The following CDH18 variants were observed in gnomAD, a reference collection of about 807,000 sequenced individuals.
The protein encoded by CDH18 is cadherin-18.
A neutral mutation model predicts 67.9 loss-of-function variants in CDH18; 31 were observed. The ratio of observed to expected loss-of-function variants is 0.46; its 90% CI spans 0.34 to 0.62. The LOEUF (loss-of-function observed/expected upper bound fraction) is 0.62, where lower values mean the gene tolerates loss of function less well. Among genes scored for constraint, CDH18 ranks in the 20% least tolerant of loss-of-function variants. The pLI is 0.01. For synonymous variants in CDH18, 362 were observed against 347.2 expected, an observed-to-expected ratio of 1.04 and a Z score of -0.48; for missense variants, 890 against 975.5, an observed-to-expected ratio of 0.91 and a Z score of 1.17.
intron 1 of CDH18, among the ~76,000 whole-genome samples, chr5:20,492,901 G>C (rs1753673831): frequency 6.6e-6 from 1 of 152,052 alleles, no homozygotes; most frequent in African/African-American, 2.4e-5. Context: ...ACTAAACCTG[G>C]AAAAGAATAG....
At chr5:19,500,032 GTTAAC>G (rs1205729467) in intron 11 of CDH18, among the ~76,000 whole-genome samples, 1 of 149,148 alleles carries the variant, frequency 6.7e-6, no homozygotes, top group Admixed American at 6.7e-5. Context: ...GTAAATGTCA[GTTAAC>G]TTACATAGGC....
At chr5:20,355,117 C>T (rs1741509074) in intron 1 of CDH18, among the ~76,000 whole-genome samples, 1 of 152,200 alleles carries the variant, frequency 6.6e-6, no homozygotes, top group Non-Finnish European at 1.5e-5. Flanking sequence ...CCAGACATCT[C>T]CAGCTCCTTT....
chr5:20,519,638 G>T (rs1755603921), intron 1 of CDH18, among the ~76,000 whole-genome samples: 1 of 151,688 alleles, frequency 6.6e-6, no homozygotes, highest in Admixed American at 6.6e-5. Flanking sequence ...AAATAAAATA[G>T]AAAAAGGAGT....
intron 3 of CDH18, among the ~76,000 whole-genome samples, chr5:19,754,219 G>T (rs1771229603): frequency 6.6e-6 from 1 of 152,120 alleles, no homozygotes; most frequent in Admixed American, 6.5e-5. Flanking sequence ...CAGAACTGCA[G>T]AATGGATAAG....
At chr5:20,560,839 A>G (rs1240432778) in intron 1 of CDH18, among the ~76,000 whole-genome samples, 2 of 152,084 alleles carry the variant, frequency 1.3e-5, no homozygotes, top group Non-Finnish European at 2.9e-5. Context: ...CGAGCCACAG[A>G]CTGCAAGAAA....
chr5:20,511,498 AT>A (rs1755034153), intron 1 of CDH18, among the ~76,000 whole-genome samples: 1 of 152,188 alleles, frequency 6.6e-6, no homozygotes, highest in Non-Finnish European at 1.5e-5. Flanking sequence ...ATATATTCTA[AT>A]AGAGGCATAG....
At chr5:20,094,083 G>T (rs1211488350) in intron 2 of CDH18, among the ~76,000 whole-genome samples, 1 of 152,098 alleles carries the variant, frequency 6.6e-6, no homozygotes, top group East Asian at 1.9e-4. Context: ...CATGCTCTCA[G>T]TTGAGACACT....
chr5:20,252,058 G>A (rs1254375813), intron 2 of CDH18, among the ~76,000 whole-genome samples: 1 of 152,014 alleles, frequency 6.6e-6, no homozygotes, highest in Non-Finnish European at 1.5e-5. Context: ...AAATACTTAT[G>A]CAGCTGTTTT....
intron 2 of CDH18, among the ~76,000 whole-genome samples, chr5:20,009,847 A>T (rs1737246696): frequency 6.6e-6 from 1 of 152,086 alleles, no homozygotes; most frequent in Non-Finnish European, 1.5e-5. Context: ...TCATGCCCCT[A>T]ATACTCCATT....
chr5:20,273,639 C>CT (rs939989373), intron 1 of CDH18, among the ~76,000 whole-genome samples: 2 of 151,852 alleles, frequency 1.3e-5, no homozygotes, highest in Admixed American at 6.6e-5. Flanking sequence ...AAAATTCAAA[C>CT]TAAAAAAAAT....
chr5:20,071,256 C>A (rs920625566), intron 2 of CDH18, among the ~76,000 whole-genome samples: 2 of 151,822 alleles, frequency 1.3e-5, no homozygotes, highest in African/African-American at 4.8e-5. Context: ...TATTGAAGAT[C>A]CTGTCAAGAC....
intron 2 of CDH18, among the ~76,000 whole-genome samples, chr5:20,088,268 C>T (rs907472938): frequency 6.6e-6 from 1 of 152,124 alleles, no homozygotes. Flanking sequence ...CTCTAACATG[C>T]GTATGCACTT....
At chr5:19,505,623 T>C (rs1017438765) in intron 10 of CDH18, among the ~76,000 whole-genome samples, 2 of 152,134 alleles carry the variant, frequency 1.3e-5, no homozygotes, top group East Asian at 3.9e-4. Context: ...ATTAGCTTTA[T>C]TGATTTGCAT....
At chr5:20,379,681 G>A (rs1443003042) in intron 1 of CDH18, among the ~76,000 whole-genome samples, 2 of 151,910 alleles carry the variant, frequency 1.3e-5, no homozygotes, top group Non-Finnish European at 2.9e-5. Flanking sequence ...TTACTTAAAT[G>A]TCTGGATGTA....
intron 8 of CDH18, among the ~76,000 whole-genome samples, chr5:19,550,378 G>C (rs1737191377): frequency 6.6e-6 from 1 of 151,874 alleles, no homozygotes; most frequent in African/African-American, 2.4e-5. Context: ...TCGTCATTTA[G>C]CATTAGGTAT....
intron 1 of CDH18, among the ~76,000 whole-genome samples, chr5:20,460,879 T>C (rs1245599621): frequency 6.6e-6 from 1 of 152,244 alleles, no homozygotes; most frequent in Non-Finnish European, 1.5e-5. Flanking sequence ...TATAACTTTC[T>C]TTTTGTCGCC....
chr5:19,550,519 T>A (rs1737226331), intron 8 of CDH18, among the ~76,000 whole-genome samples: 1 of 151,820 alleles, frequency 6.6e-6, no homozygotes, highest in Non-Finnish European at 1.5e-5. Context: ...CGGTGTTTGG[T>A]TTTTTGTCCT....
intron 1 of CDH18, among the ~76,000 whole-genome samples, chr5:20,342,970 T>C (rs1740395826): frequency 6.6e-6 from 1 of 152,156 alleles, no homozygotes; most frequent in Admixed American, 6.5e-5. Flanking sequence ...CCTTGCAGAA[T>C]AGATTTGTGA....
chr5:20,139,695 C>T (rs1750067285), intron 2 of CDH18, among the ~76,000 whole-genome samples: 1 of 152,274 alleles, frequency 6.6e-6, no homozygotes, highest in South Asian at 2.1e-4. Context: ...GACATTCATG[C>T]AGCCCACAGA....
Sources: allele counts gnomAD v4.1 joint callset (sites outside exome capture counted in the v4.1 genomes callset), GRCh38; gene constraint gnomAD v4.1.1; transcripts MANE v1.5; gene names NCBI Gene and HGNC (gene_info 2026-07-23, HGNC 2026-07-21).